Variants in TPP1 observed in about 807,000 individuals in gnomAD.
TPP1 encodes the protein tripeptidyl-peptidase 1.
Under a neutral mutation model 67.6 loss-of-function variants are expected in TPP1, and 43 were observed. The ratio of observed to expected loss-of-function variants is 0.64; its 90% CI spans 0.50 to 0.82. TPP1 has a LOEUF of 0.82. Among genes scored for constraint, TPP1 ranks in the 40% least tolerant of loss-of-function variants. The pLI is 0.00. For missense variants in TPP1, 671 were observed against 710.9 expected (o/e 0.94, Z 0.64); for synonymous variants, 272 against 281.5 (o/e 0.97, Z 0.34).
chr11:6,615,691 T>C (rs985935424), intron 9 of TPP1, 129 bp from the exon 10 acceptor site: 11 of 1,255,712 alleles, frequency 8.8e-6, no homozygotes, highest in African/African-American at 1.5e-5. Flanking sequence ...GTATATGGGA[T>C]TGACTAAGAG....
At position 6,616,042 on chromosome 11, in the gene TPP1, C is replaced by G; in HGVS notation, c.1108G>C (p.Gly370Arg). Reference protein sequence around the residue: ...DSGAGCWSVSGRHQFRPTFPA... With the variant: ...DSGAGCWSVSRRHQFRPTFPA... ...AAGGTAGGGCGGAACTGGTGTCTTC[C>G]AGAGACAGACCAACACCCGGCCCCA... Residue 370 changes from glycine (G) to arginine (R), a missense_variant, in exon 9 of 13, where the codon GGA becomes CGA. Physicochemically the swap from Gly to Arg is moderately radical, Grantham distance 125. Transcript: ENST00000299427. 3 of 1,614,174 alleles carry G rather than the reference C, an allele frequency of 1.9e-6. No individual in the cohort carries two copies.
At position 6,614,505 on chromosome 11, in the gene TPP1, T is replaced by C; in HGVS notation, c.*41A>G. On this transcript the variant is annotated 3_prime_UTR_variant, in exon 13 of 13. Coordinates refer to ENST00000299427, the MANE Select transcript of TPP1 (RefSeq NM_000391.4). The stretch of plus-strand genomic sequence containing the variant: ...CAGAATAAGGGACTGAACTGCCAGC[T>C]TCAGGGCAGGGGACAAGCCATCTCT... The C allele has an allele frequency of 1.2e-6, 2 of 1,613,988 alleles. No individual in the cohort carries two copies. Among genetic ancestry groups the C allele is most frequent in the Non-Finnish European group, 1.7e-6 (2 of 1,179,960 alleles).
At position 6,616,325 on chromosome 11, in the gene TPP1, G is replaced by A. The variant is rs777261002; in HGVS notation, c.1065C>T (p.Leu355=). The A allele has an allele frequency of 6.2e-7, 1 of 1,613,222 alleles. No homozygotes were observed. Among genetic ancestry groups the A allele is most frequent in the South Asian group, 1.1e-5 (1 of 91,048 alleles). ...MKAAARGLTL[L]FASGDSGAGC... is the part of the protein sequence containing the mutation. ...AGGGTAGGAGGTCACCTGAGGCGAAGAGCAGGGTGAGACCCCGAGCGGCAG... is the reference window on the plus strand; with the variant it reads ...AGGGTAGGAGGTCACCTGAGGCGAAAAGCAGGGTGAGACCCCGAGCGGCAG... The change falls in exon 8 of 13, where the codon CTC becomes CTT. Residue 355 remains leucine, a synonymous_variant. Transcript: ENST00000299427.
intron 7 of TPP1, 44 bp downstream of exon 7, chr11:6,616,617 C>T (rs1221400037): frequency 1.2e-6 from 2 of 1,613,092 alleles, no homozygotes; most frequent in Non-Finnish European, 1.7e-6. Flanking sequence ...GATCAACACC[C>T]ATCTCCCACC....
intron 3 of TPP1, chr11:6,618,220 G>A (rs1855614984): frequency 3.0e-6 from 1 of 336,578 alleles, no homozygotes; most frequent in African/African-American, 2.1e-5. Flanking sequence ...GTGTCACACT[G>A]CCCCGTCCCC....
rs757507462 is a variant in TPP1, at chr11:6,617,336, T to C, written c.473A>G (p.Gln158Arg). The C allele has an allele frequency of 1.9e-6, 3 of 1,614,094 alleles. No homozygotes were observed. The South Asian group carries it at 3.3e-5, about 18-fold the overall frequency. ...ATGGGGGGCCAAGGCCTGTGGAAGC[T>C]GGTAGGGATGTGGGGACCTTACAAC... ...THVVRSPHPY[Q>R]LPQALAPHVD... The change falls in exon 5 of 13, where the codon CAG (glutamine) becomes CGG (arginine). Residue 158 changes from glutamine (Q) to arginine (R), a missense_variant. By Grantham distance (43) the Gln-to-Arg change is conservative. Transcript: ENST00000299427.
In TPP1 at chr11:6,619,243, G is replaced by T. The variant is rs35903915; in HGVS notation, c.42C>A (p.Ile14=). The T allele has an allele frequency of 7.1e-4, 1,146 of 1,614,186 alleles. 15 individuals carry two copies. In the African/African-American group the frequency reaches 0.013, roughly 18 times the overall value. Residue 14 remains isoleucine, a synonymous_variant, in exon 2 of 13, where the codon ATC becomes ATA. Transcript: ENST00000299427. ...GGCTGTAACTGCATTTGCCAGAGAGGATGAGGGCAAAGAGCCCTAGGAGGC... is the reference window on the plus strand; with the variant it reads ...GGCTGTAACTGCATTTGCCAGAGAGTATGAGGGCAAAGAGCCCTAGGAGGC... The part of the protein sequence containing the change: ...QACLLGLFAL[I]LSGKCSYSPE...
In TPP1 at chr11:6,616,456, T is replaced by C; in HGVS notation, c.934A>G (p.Ser312Gly). ...EPFLQWLMLL[S>G]NESALPHVHT... ...ACATGTGGCAGGGCTGACTCATTAC[T>C]GAGCAGCATGAGCCACTGCAGGAAG... is the stretch of plus-strand genomic sequence containing the variant. The change falls in exon 8 of 13, where the codon AGT becomes GGT. Residue 312 changes from serine (S) to glycine (G), a missense_variant. Coordinates refer to ENST00000299427, the MANE Select transcript of TPP1 (RefSeq NM_000391.4). 6.2e-7 allele frequency: 1 copy of C among 1,611,872 alleles called. No individual in the cohort carries two copies.
In TPP1 at chr11:6,615,329, C is replaced by T. The variant is rs1299230929; in HGVS notation, c.1267G>A (p.Glu423Lys). Residue 423 changes from glutamate to lysine, a missense_variant and splice_region_variant, in exon 11 of 13, where the codon GAG becomes AAG. Physicochemically the swap from Glu to Lys is moderately conservative, Grantham distance 56. Coordinates refer to ENST00000299427, the MANE Select transcript of TPP1 (RefSeq NM_000391.4). Reference sequence around the variant, plus strand: ...CTCAGGAACTTCGTTACAGCTTCCTCCTGAAAGGCATTTTTGAGTGAGTAT... The same window carrying T: ...CTCAGGAACTTCGTTACAGCTTCCTTCTGAAAGGCATTTTTGAGTGAGTAT... Reference protein sequence around the residue: ...SNVFPRPSYQEEAVTKFLSSS... With the variant: ...SNVFPRPSYQKEAVTKFLSSS... 1 of 1,614,170 alleles carries T rather than the reference C, an allele frequency of 6.2e-7. No individual in the cohort carries two copies.
chr11:6,617,621 C>T lies in TPP1; in HGVS notation c.380+5G>A, dbSNP rs1564855725. On this transcript the variant is annotated splice_donor_5th_base_variant and intron_variant, in intron 4 of 12. Transcript: ENST00000299427. ...GCCCTCCATGGAGCAATCATTTCCT[C>T]TCACCGGATGCTCAGCCAGCAAGTC... is the stretch of plus-strand genomic sequence containing the variant. 2 of 1,614,134 alleles carry T rather than the reference C, an allele frequency of 1.2e-6. No individual in the cohort carries two copies. The highest frequency in any genetic ancestry group is 2.2e-5 in the South Asian group (2 of 91,076).
chr11:6,615,513 T>C lies in TPP1; in HGVS notation c.1195A>G (p.Ile399Val). 1.9e-6 allele frequency: 3 copies of C among 1,614,182 alleles called. No homozygotes were observed. Among genetic ancestry groups the C allele is most frequent in the South Asian group, 2.2e-5 (2 of 91,090 alleles). The change falls in exon 10 of 13, where the codon ATC becomes GTC. Residue 399 changes from isoleucine to valine, a missense_variant. Physicochemically the swap from Ile to Val is conservative, Grantham distance 29 (BLOSUM62 3). Coordinates refer to ENST00000299427, the MANE Select transcript of TPP1 (RefSeq NM_000391.4). The part of the protein sequence containing the change: ...GGTSFQEPFL[I>V]TNEIVDYISG... ...ATATAGTCAACAATTTCATTTGTGA[T>C]GAGGAAAGGTTCCTGGAAGGATGTG...
chr11:6,615,840 G>A (rs1354580792), intron 9 of TPP1, 165 bp downstream of exon 9: 13 of 856,574 alleles, frequency 1.5e-5, no homozygotes, highest in Non-Finnish European at 2.5e-5. Context: ...GAGATTTGGG[G>A]CCTGGGACCT....
chr11:6,616,143 G>A (rs1342406969), intron 8 of TPP1, 69 bp from the exon 9 acceptor site: 7 of 1,602,806 alleles, frequency 4.4e-6, no homozygotes, highest in Admixed American at 1.7e-5. Flanking sequence ...GGATGTCAGA[G>A]GGGAAATTTG....
Position 6,617,667 on chromosome 11 carries a change from A to C in TPP1, c.339T>G (p.Ser113=). 1 of 1,614,236 alleles carries C rather than the reference A, an allele frequency of 6.2e-7. No individual in the cohort carries two copies. The highest frequency in any genetic ancestry group is 8.5e-7 in the Non-Finnish European group (1 of 1,180,046). ...AAGTCAGAAAGTCCTGTGTGATCAC[A>C]GAATGGCACTTCTGGGCTCCGGCTG... ...LLAAGAQKCH[S]VITQDFLTCW... is the part of the protein sequence containing the mutation. The change falls in exon 4 of 13, where the codon TCT becomes TCG. Residue 113 remains serine, a synonymous_variant. Coordinates refer to ENST00000299427, the MANE Select transcript of TPP1 (RefSeq NM_000391.4).
rs119455953 is a variant in TPP1 at position 6,616,057 on chromosome 11, A to G, written c.1093T>C (p.Cys365Arg). The change falls in exon 9 of 13, where the codon TGT becomes CGT. Residue 365 changes from cysteine to arginine, a missense_variant. Cys to Arg is a radical substitution (Grantham distance 180, BLOSUM62 -3). Transcript: ENST00000299427. ...LFASGDSGAG[C>R]WSVSGRHQFR... ...TGGTGTCTTCCAGAGACAGACCAAC[A>G]CCCGGCCCCACTGTCACCTGAGAGA... 2 of 1,614,070 alleles carry G rather than the reference A, an allele frequency of 1.2e-6. No individual in the cohort carries two copies. The highest frequency in any genetic ancestry group is 1.7e-6 in the Non-Finnish European group (2 of 1,180,030).
rs751088292 is a variant in TPP1 at position 6,618,808 on chromosome 11, T to A, written c.197A>T (p.Gln66Leu). ...QNVERLSELVQAVSDPSSPQY... is the reference protein window; with the variant it reads ...QNVERLSELVLAVSDPSSPQY... ...AGGAGAGCTGGGATCCGACACAGCC[T>A]GCACCAGCTCCGAGAGTCTTTCCAC... is the stretch of plus-strand genomic sequence containing the variant. The change falls in exon 3 of 13, where the codon CAG (glutamine) becomes CTG (leucine). Residue 66 changes from glutamine to leucine, a missense_variant. Gln to Leu is a moderately radical substitution (Grantham distance 113). Coordinates refer to ENST00000299427, the MANE Select transcript of TPP1 (RefSeq NM_000391.4). 4 of 1,614,040 alleles carry A rather than the reference T, an allele frequency of 2.5e-6. No individual in the cohort carries two copies. Among genetic ancestry groups the A allele is most frequent in the Non-Finnish European group, 3.4e-6 (4 of 1,180,038 alleles).
chr11:6,618,332 A>T, intron 3 of TPP1: 1 of 348,416 alleles, frequency 2.9e-6, no homozygotes, highest in Non-Finnish European at 5.4e-6. Flanking sequence ...GTTTTGAAGC[A>T]GAGTGGGGGA....
rs750241218 is a variant in TPP1, at chr11:6,617,139, G to A, written c.523C>T (p.Arg175Cys). Residue 175 changes from arginine to cysteine, a missense_variant, in exon 6 of 13, where the codon CGT (arginine) becomes TGT (cysteine). Coordinates refer to ENST00000299427, the MANE Select transcript of TPP1 (RefSeq NM_000391.4). ...CTCAGGGATGATGTTGGGGGAAAAC[G>A]GTGCAGTCCCCCCACTGTAGGGAGA... is the stretch of plus-strand genomic sequence containing the variant. ...PHVDFVGGLH[R>C]FPPTSSLRQR... 30 of 1,613,912 alleles carry A rather than the reference G, an allele frequency of 1.9e-5. No homozygotes were observed. The highest frequency in any genetic ancestry group is 3.3e-5 in the Admixed American group (2 of 60,000).
chr11:6,619,280 C>T lies in TPP1; in HGVS notation c.18-13G>A, dbSNP rs1334655615. On this transcript the variant is annotated splice_polypyrimidine_tract_variant and intron_variant, in intron 1 of 12. Coordinates refer to ENST00000299427, the MANE Select transcript of TPP1 (RefSeq NM_000391.4). ...GAGCCCTAGGAGGCTGTAGGGGCAGCAGGTGGGTTTCAGTGGGAGCTACGT... is the reference window on the plus strand; with the variant it reads ...GAGCCCTAGGAGGCTGTAGGGGCAGTAGGTGGGTTTCAGTGGGAGCTACGT... 6.2e-7 allele frequency: 1 copy of T among 1,614,252 alleles called. No individual in the cohort carries two copies. Among genetic ancestry groups the T allele is most frequent in the South Asian group, 1.1e-5 (1 of 91,092 alleles).
Sources: gnomAD v4.1 joint callset for allele counts on GRCh38, gnomAD v4.1.1 for gene constraint, MANE v1.5 for transcripts, NCBI Gene and HGNC (gene_info 2026-07-23, HGNC 2026-07-21) for gene names.